Variants in ILRUN observed in about 807,000 individuals in gnomAD.
ILRUN encodes the protein inflammation and lipid regulator with UBA-like and NBR1-like domains, also known as protein ILRUN.
ILRUN carries 3 observed loss-of-function variants against 33.8 expected under a neutral mutation model. That is an observed-to-expected ratio of 0.09 (90% CI 0.04 to 0.23). ILRUN has a LOEUF of 0.23. Among genes scored for constraint, ILRUN ranks in the 10% least tolerant of loss-of-function variants. The probability of loss-of-function intolerance (pLI) is 1.00; values close to 1 mark genes in which losing one functional copy is unlikely to be tolerated. For missense variants in ILRUN, 210 were observed against 375.1 expected (o/e 0.56, Z 3.64); for synonymous variants, 124 against 138.9 (o/e 0.89, Z 0.75).
Position 34,672,155 on chromosome 6 carries a change from T to C in ILRUN, c.159-17376A>G, listed in dbSNP as rs185145313. Among the ~76,000 whole-genome samples the C allele has an allele frequency of 8.4e-3, 1,279 of 151,526 alleles. 19 individuals are homozygous for C. The highest frequency in any genetic ancestry group is 0.029 in the African/African-American group (1,195 of 41,256). On this transcript the variant is annotated intron_variant, in intron 1 of 4. Transcript: ENST00000374023. ...TCTCGCTCTGTCGTTCAGGCTGGAG[T>C]GCAGTGGCACAATCTCAGCTCATTT...
At chr6:34,631,670 C>T (rs1762248368) in intron 3 of ILRUN, among the ~76,000 whole-genome samples, 1 of 151,968 alleles carries the variant, frequency 6.6e-6, no homozygotes, top group African/African-American at 2.4e-5. Context: ...ATATCTTGCA[C>T]TATCCCAGCA....
chr6:34,625,529 G>C (rs944863276), intron 3 of ILRUN, among the ~76,000 whole-genome samples: 2 of 152,116 alleles, frequency 1.3e-5, no homozygotes, highest in African/African-American at 4.8e-5. Flanking sequence ...ATCTGTGATG[G>C]TTAGCTACTC....
At chr6:34,639,658 G>C (rs1762430879) in intron 3 of ILRUN, among the ~76,000 whole-genome samples, 1 of 152,160 alleles carries the variant, frequency 6.6e-6, no homozygotes, top group Non-Finnish European at 1.5e-5. Flanking sequence ...TCTGGAAGTA[G>C]AGAGAAGACT....
rs146936624 is a variant in ILRUN, at chr6:34,693,071, C to T, written c.158+3375G>A. On this transcript the variant is annotated intron_variant, in intron 1 of 4. Transcript: ENST00000374023. ...TCAGCCTGGGAGACAGAATGAGACC[C>T]TGTCTCAAAAAAATAAAATAAAAAT... Among the ~76,000 whole-genome samples, 1,112 of 151,728 alleles carry T rather than the reference C, an allele frequency of 7.3e-3. 21 individuals carry two copies. Among genetic ancestry groups the T allele is most frequent in the African/African-American group, 0.026 (1,057 of 41,394 alleles).
chr6:34,598,347 G>C (rs1483421273), intron 4 of ILRUN, among the ~76,000 whole-genome samples: 1 of 152,138 alleles, frequency 6.6e-6, no homozygotes, highest in African/African-American at 2.4e-5. Context: ...TTCTGGTCCT[G>C]CTGGTATACA....
intron 3 of ILRUN, among the ~76,000 whole-genome samples, chr6:34,620,942 C>T (rs1385788837): frequency 1.3e-5 from 2 of 152,198 alleles, no homozygotes; most frequent in African/African-American, 4.8e-5. Context: ...AAGACATACA[C>T]AACAAAACAG....
At chr6:34,617,823 AC>A (rs1761929778) in intron 3 of ILRUN, among the ~76,000 whole-genome samples, 1 of 152,132 alleles carries the variant, frequency 6.6e-6, no homozygotes, top group Non-Finnish European at 1.5e-5. Context: ...CCCTCAAAAA[AC>A]GTATTAAGCT....
rs139179434 is a variant in ILRUN, at chr6:34,678,129, G to A, written c.158+18317C>T. Among the ~76,000 whole-genome samples the A allele has an allele frequency of 2.6e-3, 394 of 152,066 alleles. 1 individual carries two copies. Among genetic ancestry groups the A allele is most frequent in the African/African-American group, 8.3e-3 (346 of 41,492 alleles). The stretch of plus-strand genomic sequence containing the variant: ...GCAATCTCAGCTCACTGCAACCTCC[G>A]CCTGAGTTCAAGAGATTCTCCTGCT... On this transcript the variant is annotated intron_variant, in intron 1 of 4. Transcript: ENST00000374023.
intron 3 of ILRUN, among the ~76,000 whole-genome samples, chr6:34,633,727 T>TGC (rs1456483680): frequency 6.6e-6 from 1 of 150,422 alleles, no homozygotes; most frequent in Non-Finnish European, 1.5e-5. Flanking sequence ...CATGGTGGTG[T>TGC]GCGCCTGTAG....
chr6:34,646,850 G>A lies in ILRUN; in HGVS notation c.314-52C>T, dbSNP rs774412063. The A allele has an allele frequency of 3.9e-6, 6 of 1,548,902 alleles. No individual in the cohort carries two copies. The African/African-American group carries it at 5.4e-5, about 14-fold the overall frequency. ...TTAGGCAATCAATGGTCCTATGCTG[G>A]GTGCAGTTTATTATGAAACTGTAGA... On this transcript the variant is annotated intron_variant, in intron 2 of 4. Coordinates refer to ENST00000374023, the MANE Select transcript of ILRUN (RefSeq NM_024294.4). This position sits in a 1 kb window ranked among gnomAD's most constrained non-coding sequence, Gnocchi z 4.9.
rs200840957 is a variant in ILRUN at position 34,677,947 on chromosome 6, CAAAAAAAAA to C, written c.158+18490_158+18498del. Among the ~76,000 whole-genome samples the C allele has an allele frequency of 4.3e-3, 319 of 74,360 alleles. 1 individual carries two copies. The highest frequency in any genetic ancestry group is 0.014 in the African/African-American group (281 of 19,474). The allele number at this position is 74,360 out of a possible 152,430, so 48.8% of individuals were successfully genotyped here. ...GTGAGTGACAGTGAGATCCTGCCTCCAAAAAAAAAAAAAAAAAAAAAAGTGTTGCGATTA... is the reference window on the plus strand; with the variant it reads ...GTGAGTGACAGTGAGATCCTGCCTCCAAAAAAAAAAAAAGTGTTGCGATTA... On this transcript the variant is annotated intron_variant, in intron 1 of 4. Transcript: ENST00000374023.
At chr6:34,607,433 T>C (rs1033298303) in intron 3 of ILRUN, among the ~76,000 whole-genome samples, 1 of 152,216 alleles carries the variant, frequency 6.6e-6, no homozygotes. Context: ...AGCATTTATC[T>C]AGACAAAATG....
intron 3 of ILRUN, among the ~76,000 whole-genome samples, chr6:34,634,791 G>A (rs1363342059): frequency 1.3e-5 from 2 of 152,132 alleles, no homozygotes; most frequent in Non-Finnish European, 2.9e-5. Flanking sequence ...ACTAGTAATT[G>A]AAAACCTAAA....
intron 3 of ILRUN, among the ~76,000 whole-genome samples, chr6:34,626,484 A>AT (rs932483918): frequency 2.0e-5 from 3 of 152,084 alleles, no homozygotes; most frequent in Non-Finnish European, 4.4e-5. Context: ...ATCGTATTTT[A>AT]TTTTTTTATA....
chr6:34,601,302 A>C, intron 4 of ILRUN, among the ~76,000 whole-genome samples: 1 of 152,244 alleles, frequency 6.6e-6, no homozygotes, highest in East Asian at 1.9e-4. Flanking sequence ...TTTCATTGGC[A>C]TGAGAATAGT....
In ILRUN at chr6:34,643,771, C is replaced by T. The variant is rs542340437; in HGVS notation, c.511+2830G>A. On this transcript the variant is annotated intron_variant, in intron 3 of 4. Coordinates refer to ENST00000374023, the MANE Select transcript of ILRUN (RefSeq NM_024294.4). ...AGGCTGGAGCGCAGTGGCGCGATCT[C>T]GGCTCATGGCAACCTCCACCTCCCA... Among the ~76,000 whole-genome samples the T allele has an allele frequency of 1.3e-4, 20 of 152,342 alleles. 1 individual carries two copies. In the South Asian group the frequency reaches 3.7e-3, roughly 28 times the overall value.
At chr6:34,665,622 T>A (rs1298708849) in intron 1 of ILRUN, among the ~76,000 whole-genome samples, 1 of 151,864 alleles carries the variant, frequency 6.6e-6, no homozygotes. Context: ...AGAGATAGGG[T>A]CTTGTTACAT....
At chr6:34,675,654 T>C (rs555218803) in intron 1 of ILRUN, among the ~76,000 whole-genome samples, 1 of 152,010 alleles carries the variant, frequency 6.6e-6, no homozygotes, top group East Asian at 1.9e-4. Flanking sequence ...ACCCAAAAAG[T>C]GCCACATAGT....
In ILRUN at chr6:34,631,900, C is replaced by T. The variant is rs533747065; in HGVS notation, c.511+14701G>A. On this transcript the variant is annotated intron_variant, in intron 3 of 4. Coordinates refer to ENST00000374023, the MANE Select transcript of ILRUN (RefSeq NM_024294.4). ...ATGATTTATTATGTGGATTTTACCT[C>T]AATTAAAAAAAAATCCATAATAGTT... 1.2e-4 allele frequency among the ~76,000 whole-genome samples: 18 copies of T among 151,308 alleles called. 1 individual carries two copies. The South Asian group carries it at 3.6e-3, about 30-fold the overall frequency.
Sources: gnomAD v4.1 joint callset for allele counts (sites outside exome capture counted in the v4.1 genomes callset) on GRCh38, gnomAD v4.1.1 for gene constraint, Gnocchi (gnomAD v3.1) non-coding constraint, MANE v1.5 for transcripts, NCBI Gene and HGNC (gene_info 2026-07-23, HGNC 2026-07-21) for gene names.